Variants in RNF135 observed in about 807,000 individuals in gnomAD.
RNF135 encodes the protein ring finger protein 135.
In RNF135, 46 loss-of-function variants were observed where a neutral mutation model predicts 41.9. The observed-to-expected ratio is 1.10, with a 90% CI of 0.87 to 1.40. The LOEUF (loss-of-function observed/expected upper bound fraction) is 1.40. Ranked by LOEUF, RNF135 falls within the 40% of genes most tolerant of loss-of-function variation. The pLI, the probability that RNF135 is intolerant of heterozygous loss-of-function variation, is 0.00. For synonymous variants in RNF135, 238 were observed against 223.8 expected (o/e 1.06, Z -0.57); for missense variants, 539 against 549.8 (o/e 0.98, Z 0.20).
At position 30,971,452 on chromosome 17, in the gene RNF135, A is replaced by G; in HGVS notation, c.372+7A>G. 1 of 1,494,180 alleles carries G rather than the reference A, an allele frequency of 6.7e-7. No individual in the cohort carries two copies. Among genetic ancestry groups the G allele is most frequent in the Middle Eastern group, 2.4e-4 (1 of 4,202 alleles). 92.6% of individuals were successfully genotyped at this position (1,494,180 alleles called of 1,614,324 possible). On this transcript the variant is annotated splice_region_variant and intron_variant, in intron 1 of 4. Transcript: ENST00000328381. ...CCGCCCGGAACTGCAGCGGGTAGGG[A>G]GGCCGGGCCCGCAGCTCCCCTGGCT...
intron 1 of RNF135, chr17:30,972,871 G>A (rs1286385747): frequency 6.6e-6 from 1 of 152,288 alleles, no homozygotes; most frequent in Admixed American, 6.6e-5. Context: ...TGCCCCCTGG[G>A]TTCAAGTGAT....
At chr17:30,984,468 G>C (rs1907440937) in intron 1 of RNF135, 149 bp from the exon 2 acceptor site, 2 of 793,086 alleles carry the variant, frequency 2.5e-6, no homozygotes, top group Non-Finnish European at 4.2e-6. Flanking sequence ...ATATATGTGA[G>C]AGTTTATTTC....
At position 30,971,097 on chromosome 17, in the gene RNF135, C is replaced by T. The variant is rs567029339; in HGVS notation, c.24C>T (p.Ser8=). The change falls in exon 1 of 5, where the codon TCC becomes TCT. Residue 8 remains serine (S), a synonymous_variant. Coordinates refer to ENST00000328381, the MANE Select transcript of RNF135 (RefSeq NM_032322.4). The part of the protein sequence containing the change: MAGLGLG[S]AVPVWLAEDD... ...CCATGGCGGGCCTGGGCCTGGGCTC[C>T]GCCGTTCCCGTGTGGCTGGCCGAGG... 4 of 1,534,248 alleles carry T rather than the reference C, an allele frequency of 2.6e-6. No individual in the cohort carries two copies. In the African/African-American group the frequency reaches 4.1e-5, roughly 16 times the overall value.
rs780146110 is a variant in RNF135 at position 30,984,681 on chromosome 17, T to C, written c.437T>C (p.Val146Ala). ...CTGACAGAGCTGGTGGAACATCTTG[T>C]AGACATTGTCAGAAGCCTGCAGAAT... ...QELTELVEHLVDIVRSLQNQR... is the reference protein window; with the variant it reads ...QELTELVEHLADIVRSLQNQR... Residue 146 changes from valine to alanine, a missense_variant, in exon 2 of 5, where the codon GTA (valine) becomes GCA (alanine). Val to Ala is a moderately conservative substitution (Grantham distance 64). This residue lies in a region of RNF135 where 277 missense variants were observed against 212.8 expected (regional missense o/e 1.30). Transcript: ENST00000328381. 8.1e-6 allele frequency: 13 copies of C among 1,613,988 alleles called. No homozygotes were observed. The highest frequency in any genetic ancestry group is 9.3e-6 in the Non-Finnish European group (11 of 1,180,024).
rs1336820265 is a variant in RNF135, at chr17:30,991,699, C to G, written c.679+3593C>G. Among the ~76,000 whole-genome samples the G allele has an allele frequency of 2.0e-5, 3 of 151,884 alleles. No individual in the cohort carries two copies. The South Asian group carries it at 6.2e-4, about 31-fold the overall frequency. ...AAAGTGCTGGGATTACAGGGGTGAG[C>G]CACCGTGCCCGGCCTATACTACACT... On this transcript the variant is annotated intron_variant, in intron 3 of 4. Transcript: ENST00000328381.
At chr17:30,983,489 G>T (rs1160784115) in intron 1 of RNF135, among the ~76,000 whole-genome samples, 1 of 150,290 alleles carries the variant, frequency 6.7e-6, no homozygotes, top group African/African-American at 2.4e-5. Context: ...AAGTAGCTGG[G>T]ATTATAGGTG....
chr17:30,961,061 C>G, the RNF135 span, among the ~76,000 whole-genome samples: 1 of 152,092 alleles, frequency 6.6e-6, no homozygotes, highest in Non-Finnish European at 1.5e-5. Context: ...AGACTGGATT[C>G]TTTCACAGCA....
rs1905872057 is a variant in RNF135 at position 30,971,132 on chromosome 17, G to C, written c.59G>C (p.Gly20Ala). ...VPVWLAEDDLGCIICQGLLDW... is the reference protein window; with the variant it reads ...VPVWLAEDDLACIICQGLLDW... The stretch of plus-strand genomic sequence containing the variant: ...GTGTGGCTGGCCGAGGACGACCTCG[G>C]CTGCATCATCTGCCAGGGGCTGCTG... The change falls in exon 1 of 5, where the codon GGC becomes GCC. Residue 20 changes from glycine to alanine, a missense_variant. Around this residue, in one of 2 missense-constraint regions of RNF135, gnomAD observed 277 missense variants for 212.8 expected, o/e 1.30. Coordinates refer to ENST00000328381, the MANE Select transcript of RNF135 (RefSeq NM_032322.4). 1 of 1,534,090 alleles carries C rather than the reference G, an allele frequency of 6.5e-7. No individual in the cohort carries two copies. The highest frequency in any genetic ancestry group is 8.7e-7 in the Non-Finnish European group (1 of 1,146,070).
chr17:30,971,559 C>A (rs1401347550), intron 1 of RNF135, 114 bp downstream of exon 1: 9 of 1,373,996 alleles, frequency 6.6e-6, no homozygotes, highest in Admixed American at 3.8e-5. Flanking sequence ...CGTTCCTTTT[C>A]TCAGTCTAAA....
At chr17:30,984,843 G>A (rs1250048645) in intron 2 of RNF135, 83 bp downstream of exon 2, 1 of 1,365,122 alleles carries the variant, frequency 7.3e-7, no homozygotes, top group African/African-American at 1.4e-5. Context: ...GAACATATTT[G>A]AACCTGAAGG....
intron 1 of RNF135, among the ~76,000 whole-genome samples, chr17:30,979,714 A>AC (rs1228109745): frequency 0.023 from 813 of 35,794 alleles, no homozygotes; most frequent in South Asian, 0.043. Context: ...CGGGGGGCTG[A>AC]CCCCCCCCAC....
At chr17:30,965,501 G>C in the RNF135 span, 1 of 152,050 alleles carries the variant, frequency 6.6e-6, no homozygotes, top group South Asian at 2.1e-4. Flanking sequence ...AATTTTCCCA[G>C]TCCTTTCTGA....
In RNF135 at chr17:30,997,181, G is replaced by GCCAAACATCTCCAA. The variant is rs1317465679; in HGVS notation, c.680-61_680-60insCCAAACATCTCCAA. 4.8e-4 allele frequency: 606 copies of GCCAAACATCTCCAA among 1,267,212 alleles called. 2 individuals are homozygous for GCCAAACATCTCCAA. The African/African-American group carries it at 8.6e-3, about 18-fold the overall frequency. 78.5% of individuals were successfully genotyped at this position (1,267,212 alleles called of 1,614,324 possible). ...CCATGTGCCTTGACCATGATGTTTG[G>GCCAAACATCTCCAA]AGACCTTCAGTTTGCCTTTTTCTGA... On this transcript the variant is annotated intron_variant, in intron 3 of 4. Transcript: ENST00000328381.
intron 1 of RNF135, among the ~76,000 whole-genome samples, chr17:30,980,766 G>C (rs1274613051): frequency 6.7e-6 from 1 of 148,224 alleles, no homozygotes; most frequent in Non-Finnish European, 1.5e-5. Context: ...CAGACGATGG[G>C]CGGCCGGGCA....
intron 3 of RNF135, chr17:30,993,709 A>G: frequency 1.3e-6 from 1 of 763,430 alleles, no homozygotes. Context: ...TTAATTTAAA[A>G]AAAAAAAGTA....
rs1447574794 is a variant in RNF135 at position 30,971,350 on chromosome 17, C to G, written c.277C>G (p.Gln93Glu). The G allele has an allele frequency of 6.5e-7, 1 of 1,531,668 alleles. No individual in the cohort carries two copies. The highest frequency in any genetic ancestry group is 2.0e-5 in the Admixed American group (1 of 50,336). The allele number at this position is 1,531,668 out of a possible 1,614,324, so 94.9% of individuals were successfully genotyped here. ...DKYRRAAREIQAGSDPAHCPC... is the reference protein window; with the variant it reads ...DKYRRAAREIEAGSDPAHCPC... ...GTACCGCCGCGCCGCACGCGAGATACAGGCGGGCTCCGACCCTGCCCACTG... is the reference window on the plus strand; with the variant it reads ...GTACCGCCGCGCCGCACGCGAGATAGAGGCGGGCTCCGACCCTGCCCACTG... Residue 93 changes from glutamine to glutamate, a missense_variant, in exon 1 of 5, where the codon CAG becomes GAG. Gln to Glu is a conservative substitution (Grantham distance 29). This residue lies in a region of RNF135 where 277 missense variants were observed against 212.8 expected (regional missense o/e 1.30). Transcript: ENST00000328381.
intron 2 of RNF135, among the ~76,000 whole-genome samples, chr17:30,987,576 GT>G: frequency 6.6e-6 from 1 of 152,280 alleles, no homozygotes; most frequent in Non-Finnish European, 1.5e-5. Context: ...GTAACTATCT[GT>G]AGTATTTATT....
intron 3 of RNF135, among the ~76,000 whole-genome samples, chr17:30,992,251 A>G (rs571975913): frequency 4.3e-4 from 65 of 152,108 alleles, no homozygotes; most frequent in Middle Eastern, 6.8e-3. Context: ...AATTTTTTAT[A>G]GAGATGAAAT....
rs1300916292 is a variant in RNF135, at chr17:30,979,539, C to T, written c.373-5078C>T. Among the ~76,000 whole-genome samples the T allele has an allele frequency of 2.3e-4, 22 of 95,490 alleles. 3 individuals carry two copies. The highest frequency in any genetic ancestry group is 5.4e-4 in the Non-Finnish European group (21 of 39,080). The allele number at this position is 95,490 out of a possible 152,430, so 62.6% of individuals were successfully genotyped here. ...GGACGGGGCAGCTGGCCGACCCCCCCCCCCCGCCTCCCTCCCGGACGGGGC... is the reference window on the plus strand; with the variant it reads ...GGACGGGGCAGCTGGCCGACCCCCCTCCCCCGCCTCCCTCCCGGACGGGGC... On this transcript the variant is annotated intron_variant, in intron 1 of 4. Transcript: ENST00000328381.
Sources: gnomAD v4.1 joint callset for allele counts (sites outside exome capture counted in the v4.1 genomes callset) on GRCh38, gnomAD v4.1.1 for gene constraint, gnomAD v4.1.1 regional missense constraint, MANE v1.5 for transcripts, NCBI Gene and HGNC (gene_info 2026-07-23, HGNC 2026-07-21) for gene names.